NDE1: variants seen among roughly 807,000 people sequenced by gnomAD.
NDE1 encodes nudE neurodevelopment protein 1, also known as nuclear distribution protein nudE homolog 1.
Under a neutral mutation model 43.4 loss-of-function variants are expected in NDE1, and 28 were observed. The ratio of observed to expected loss-of-function variants is 0.65; its 90% CI spans 0.48 to 0.89. The LOEUF (loss-of-function observed/expected upper bound fraction) is 0.89. Ranked by LOEUF, NDE1 falls within the 40% of genes least tolerant of loss-of-function variation. The pLI is 0.00. For missense variants in NDE1, 441 were observed against 434.1 expected (o/e 1.02, Z -0.14); for synonymous variants, 184 against 172.0 (o/e 1.07, Z -0.55).
chr16:15,715,090 G>T, intron 8 of NDE1: 1 of 1,612,556 alleles, frequency 6.2e-7, no homozygotes, highest in Non-Finnish European at 8.5e-7. Flanking sequence ...GCCTGTCGCG[G>T]AGAGTTGGAG....
At chr16:15,655,270 A>C (rs564543490) in intron 1 of NDE1, among the ~76,000 whole-genome samples, 125 of 152,176 alleles carry the variant, frequency 8.2e-4, no homozygotes, top group Non-Finnish European at 1.4e-3. Flanking sequence ...CACCCACCTC[A>C]GCCTCCCAAA....
intron 1 of NDE1, among the ~76,000 whole-genome samples, chr16:15,659,836 C>T (rs1365161248): frequency 6.6e-6 from 1 of 151,362 alleles, no homozygotes; most frequent in Non-Finnish European, 1.5e-5. Flanking sequence ...GCAACCTCCA[C>T]CTCCTGGGTT....
chr16:15,723,321 A>T (rs557352039), intron 8 of NDE1, among the ~76,000 whole-genome samples: 3 of 152,216 alleles, frequency 2.0e-5, no homozygotes, highest in African/African-American at 7.2e-5. Context: ...TACCCAAGAG[A>T]TAAGGCATGA....
At chr16:15,721,468 G>T in intron 8 of NDE1, 1 of 1,614,138 alleles carries the variant, frequency 6.2e-7, no homozygotes, top group Non-Finnish European at 8.5e-7. Context: ...TTCCATTTCG[G>T]CTTTGAGCAT....
intron 1 of NDE1, among the ~76,000 whole-genome samples, chr16:15,644,648 T>C (rs1410058555): frequency 6.6e-6 from 1 of 152,216 alleles, no homozygotes; most frequent in East Asian, 1.9e-4. Flanking sequence ...ATCTTCATTA[T>C]GTCTGTGTAT....
chr16:15,648,085 G>A (rs1382940795), upstream of NDE1, among the ~76,000 whole-genome samples: 2 of 151,764 alleles, frequency 1.3e-5, no homozygotes, highest in Non-Finnish European at 1.5e-5. Context: ...GTTTTTATGG[G>A]TACACTGTAG....
At chr16:15,677,646 C>T (rs994680826) in intron 3 of NDE1, among the ~76,000 whole-genome samples, 155 bp from the exon 4 acceptor site, 7 of 151,538 alleles carry the variant, frequency 4.6e-5, no homozygotes, top group Admixed American at 1.3e-4. Context: ...TGGAGTGTTA[C>T]AGTCATAGCT....
chr16:15,722,781 C>G (rs1418391822), intron 8 of NDE1, among the ~76,000 whole-genome samples: 2 of 152,210 alleles, frequency 1.3e-5, no homozygotes, highest in Non-Finnish European at 1.5e-5. Context: ...CACTCCATCA[C>G]TCAGGCTGGG....
intron 6 of NDE1, among the ~76,000 whole-genome samples, chr16:15,692,708 C>T (rs372173923): frequency 1.2e-4 from 18 of 151,860 alleles, no homozygotes; most frequent in African/African-American, 4.1e-4. Context: ...CTGTGCCTAG[C>T]CCCAGTCTAG....
At position 15,698,130 on chromosome 16, in the gene NDE1, C is replaced by A. The variant is rs908363476; in HGVS notation, c.947+1270C>A. On this transcript the variant is annotated intron_variant, in intron 8 of 8. Transcript: ENST00000396354. ...TTTTTTCTTTTTAAATCTGTAGAAC[C>A]TTTGAGAAACTGGCACTAACTTCTA... Among the ~76,000 whole-genome samples, 4 of 152,148 alleles carry A rather than the reference C, an allele frequency of 2.6e-5. No homozygotes were observed. In the South Asian group the frequency reaches 8.3e-4, roughly 32 times the overall value.
intron 8 of NDE1, chr16:15,717,025 G>A (rs8059010): frequency 8.9e-7 from 1 of 1,123,058 alleles, no homozygotes; most frequent in Admixed American, 1.7e-5. Context: ...AGGCATCACA[G>A]AGCTTGCTTC....
intron 8 of NDE1, among the ~76,000 whole-genome samples, chr16:15,716,111 A>T (rs983648555): frequency 1.3e-5 from 2 of 151,922 alleles, no homozygotes; most frequent in Non-Finnish European, 2.9e-5. Flanking sequence ...AAAAAAATAA[A>T]AATAAAAAAG....
intron 7 of NDE1, chr16:15,694,910 A>G (rs374398960): frequency 2.1e-5 from 21 of 984,994 alleles, no homozygotes; most frequent in Non-Finnish European, 2.3e-5. Context: ...GGGTGCTCAT[A>G]CCTGTAATCC....
chr16:15,724,078 C>T, intron 8 of NDE1, 113 bp from the exon 9 acceptor site: 2 of 1,601,064 alleles, frequency 1.2e-6, no homozygotes, highest in Admixed American at 1.7e-5. Flanking sequence ...AGGCACAGGC[C>T]AGAGCCACGC....
intron 4 of NDE1, among the ~76,000 whole-genome samples, chr16:15,682,640 T>C (rs1325930612): frequency 1.3e-5 from 2 of 152,238 alleles, no homozygotes; most frequent in African/African-American, 4.8e-5. Context: ...CTTTGTTTCA[T>C]ATGAGTACTA....
intron 1 of NDE1, among the ~76,000 whole-genome samples, chr16:15,664,511 C>G (rs1463540002): frequency 6.6e-6 from 1 of 152,134 alleles, no homozygotes; most frequent in Non-Finnish European, 1.5e-5. Context: ...CACCCGCCAC[C>G]ACACCCAGCT....
chr16:15,644,284 T>A (rs1596529132), intron 1 of NDE1, among the ~76,000 whole-genome samples: 1 of 152,204 alleles, frequency 6.6e-6, no homozygotes, highest in East Asian at 1.9e-4. Context: ...AAAAAATCCT[T>A]ACTGGGAGGT....
At chr16:15,705,833 T>C (rs1322937506) in intron 8 of NDE1, among the ~76,000 whole-genome samples, 2 of 151,404 alleles carry the variant, frequency 1.3e-5, no homozygotes, top group African/African-American at 2.4e-5. Flanking sequence ...TACAAAAAAT[T>C]AGCCGGGCGT....
intron 8 of NDE1, chr16:15,700,247 C>T: frequency 3.3e-6 from 1 of 305,758 alleles, no homozygotes; most frequent in Non-Finnish European, 4.8e-6. Context: ...CAGGCACCCA[C>T]CACCACACCT....
Sources: allele counts gnomAD v4.1 joint callset (sites outside exome capture counted in the v4.1 genomes callset), GRCh38; gene constraint gnomAD v4.1.1; transcripts MANE v1.5; gene names NCBI Gene and HGNC (gene_info 2026-07-23, HGNC 2026-07-21).